The following SCO1 variants were observed in gnomAD, a reference collection of about 807,000 sequenced individuals.
SCO1 encodes cytochrome c oxidase assembly factor SCO1.
A neutral mutation model predicts 34.0 loss-of-function variants in SCO1; 23 were observed. That is an observed-to-expected ratio of 0.68 (90% CI 0.49 to 0.96). SCO1 has a LOEUF of 0.96. Ranked by LOEUF, SCO1 falls within the 40% of genes least tolerant of loss-of-function variation. The pLI, the probability that SCO1 is intolerant of heterozygous loss-of-function variation, is 0.00. For synonymous variants in SCO1, 161 were observed against 145.5 expected (o/e 1.11, Z -0.77); for missense variants, 404 against 381.6 (o/e 1.06, Z -0.49).
Position 10,675,411 on chromosome 17 carries a change from T to G in SCO1, c.*5708A>C, listed in dbSNP as rs1184755875. The G allele has an allele frequency of 6.6e-6, 1 of 152,294 alleles. No homozygotes were observed. Among genetic ancestry groups the G allele is most frequent in the East Asian group, 1.9e-4 (1 of 5,196 alleles). The allele number at this position is 152,294 out of a possible 1,614,324, so 9.4% of individuals were successfully genotyped here. A position where few individuals can be genotyped will look rare whatever the true frequency, so the allele number is the denominator to read the frequency against. ...CAATGCATTCTCCACATCACAGACTTGCTTTCTTTCAAGACTGCCTTTTGC... is the reference window on the plus strand; with the variant it reads ...CAATGCATTCTCCACATCACAGACTGGCTTTCTTTCAAGACTGCCTTTTGC... On this transcript the variant is annotated 3_prime_UTR_variant, in exon 6 of 6. Coordinates refer to ENST00000255390, the MANE Select transcript of SCO1 (RefSeq NM_004589.4).
intron 4 of SCO1, among the ~76,000 whole-genome samples, 169 bp from the exon 5 acceptor site, chr17:10,687,011 C>T (rs1597507416): frequency 6.6e-6 from 1 of 152,122 alleles, no homozygotes; most frequent in East Asian, 1.9e-4. Context: ...TCACAAAGAA[C>T]AAATGAAAAT....
In SCO1 at chr17:10,679,115, T is replaced by C. The variant is rs1272522299; in HGVS notation, c.*2004A>G. ...CACCCGCTACCATGCCCGGCTAATT[T>C]TTGTATTTTTAGGAGAGAGACGACG... On this transcript the variant is annotated 3_prime_UTR_variant, in exon 6 of 6. Coordinates refer to ENST00000255390, the MANE Select transcript of SCO1 (RefSeq NM_004589.4). 1 of 152,216 alleles carries C rather than the reference T, an allele frequency of 6.6e-6. No individual in the cohort carries two copies. Among genetic ancestry groups the C allele is most frequent in the Non-Finnish European group, 1.5e-5 (1 of 68,070 alleles). The allele number at this position is 152,216 out of a possible 1,614,324, so 9.4% of individuals were successfully genotyped here. A position where few individuals can be genotyped will look rare whatever the true frequency, so the allele number is the denominator to read the frequency against.
intron 4 of SCO1, among the ~76,000 whole-genome samples, chr17:10,690,386 T>C (rs1266289224): frequency 6.6e-6 from 1 of 152,076 alleles, no homozygotes; most frequent in Non-Finnish European, 1.5e-5. Context: ...ATGATCTAAA[T>C]AGACATTTCT....
chr17:10,692,682 C>G (rs150635526), intron 3 of SCO1, 82 bp downstream of exon 3: 27 of 1,152,906 alleles, frequency 2.3e-5, no homozygotes, highest in Non-Finnish European at 3.4e-5. Context: ...CAAAACCCCA[C>G]CTAACAATAA....
At position 10,675,805 on chromosome 17, in the gene SCO1, C is replaced by T. The variant is rs1157623255; in HGVS notation, c.*5314G>A. 6.6e-6 allele frequency: 1 copy of T among 152,140 alleles called. No homozygotes were observed. The highest frequency in any genetic ancestry group is 1.5e-5 in the Non-Finnish European group (1 of 68,026). 9.4% of individuals were successfully genotyped at this position (152,140 alleles called of 1,614,324 possible). ...TTAAACTGGTCCAACCTGAATAACG[C>T]CACCCTATGTTTAAGAATGGGAAGA... On this transcript the variant is annotated 3_prime_UTR_variant, in exon 6 of 6. Coordinates refer to ENST00000255390, the MANE Select transcript of SCO1 (RefSeq NM_004589.4).
In SCO1 at chr17:10,673,266, GT is replaced by G. The variant is rs1193676326; in HGVS notation, c.*7852del. 1.3e-5 allele frequency: 2 copies of G among 152,100 alleles called. No homozygotes were observed. The highest frequency in any genetic ancestry group is 1.5e-5 in the Non-Finnish European group (1 of 68,060). 9.4% of individuals were successfully genotyped at this position (152,100 alleles called of 1,614,324 possible). A position where few individuals can be genotyped will look rare whatever the true frequency, so the allele number is the denominator to read the frequency against. On this transcript the variant is annotated 3_prime_UTR_variant, in exon 6 of 6. Transcript: ENST00000255390. ...ATCTGCCTTTTCTTTATCTTGTCTG[GT>G]TATGTGCATCCCAGAGGCACTCTCC... is the stretch of plus-strand genomic sequence containing the variant.
intron 5 of SCO1, among the ~76,000 whole-genome samples, chr17:10,685,979 G>A (rs1040575629): frequency 2.0e-5 from 3 of 152,212 alleles, no homozygotes; most frequent in African/African-American, 7.2e-5. Flanking sequence ...TGTAATCCCA[G>A]CACTTTGGGA....
At chr17:10,691,206 G>A (rs949494484) in intron 4 of SCO1, among the ~76,000 whole-genome samples, 8 of 152,132 alleles carry the variant, frequency 5.3e-5, no homozygotes, top group African/African-American at 1.7e-4. Flanking sequence ...TGCTACCTCC[G>A]CCTGCCAGGT....
Position 10,674,469 on chromosome 17 carries a change from G to A in SCO1, c.*6650C>T. The A allele has an allele frequency of 3.8e-6, 1 of 263,954 alleles. No individual in the cohort carries two copies. Among genetic ancestry groups the A allele is most frequent in the South Asian group, 3.7e-5 (1 of 27,046 alleles). The allele number at this position is 263,954 out of a possible 1,614,324, so 16.4% of individuals were successfully genotyped here. ...AAACAAAAAAACAGACTGTGATTGAGGAGAGCTGGAGTGGAGCCTGAGAAG... is the reference window on the plus strand; with the variant it reads ...AAACAAAAAAACAGACTGTGATTGAAGAGAGCTGGAGTGGAGCCTGAGAAG... On this transcript the variant is annotated 3_prime_UTR_variant, in exon 6 of 6. Coordinates refer to ENST00000255390, the MANE Select transcript of SCO1 (RefSeq NM_004589.4).
At position 10,681,180 on chromosome 17, in the gene SCO1, C is replaced by T; in HGVS notation, c.845G>A (p.Arg282Lys). ...EFLDYFGQNK[R>K]KGEIAASIAT... ...AATTGAAGCAGCTATTTCTCCCTTC[C>T]TCTTGTTCTGGCCAAAATAATCTAG... Residue 282 changes from arginine (R) to lysine (K), a missense_variant, in exon 6 of 6, where the codon AGG becomes AAG. Transcript: ENST00000255390. 6.2e-7 allele frequency: 1 copy of T among 1,614,216 alleles called. No homozygotes were observed. The highest frequency in any genetic ancestry group is 8.5e-7 in the Non-Finnish European group (1 of 1,180,040).
chr17:10,680,774 C>T lies in SCO1; in HGVS notation c.*345G>A, dbSNP rs1413405709. 2 of 370,900 alleles carry T rather than the reference C, an allele frequency of 5.4e-6. No homozygotes were observed. The highest frequency in any genetic ancestry group is 1.0e-5 in the Non-Finnish European group (2 of 196,978). 23.0% of individuals were successfully genotyped at this position (370,900 alleles called of 1,614,324 possible). A position where few individuals can be genotyped will look rare whatever the true frequency, so the allele number is the denominator to read the frequency against. On this transcript the variant is annotated 3_prime_UTR_variant, in exon 6 of 6. Coordinates refer to ENST00000255390, the MANE Select transcript of SCO1 (RefSeq NM_004589.4). ...GCAAGGGCCCAAGACGATGGAGAGGCGGCAAAGCTGCTGGGAGGGCCTGTT... is the reference window on the plus strand; with the variant it reads ...GCAAGGGCCCAAGACGATGGAGAGGTGGCAAAGCTGCTGGGAGGGCCTGTT...
chr17:10,681,038 T>A lies in SCO1; in HGVS notation c.*81A>T. 1 of 1,508,540 alleles carries A rather than the reference T, an allele frequency of 6.6e-7. No individual in the cohort carries two copies. The highest frequency in any genetic ancestry group is 1.7e-4 in the Middle Eastern group (1 of 5,824). 93.4% of individuals were successfully genotyped at this position (1,508,540 alleles called of 1,614,324 possible). On this transcript the variant is annotated 3_prime_UTR_variant, in exon 6 of 6. Transcript: ENST00000255390. ...ATTCTGTAGAGTGCACGTATATATGTTTATATTTATATAGGCTCCTATGCG... is the reference window on the plus strand; with the variant it reads ...ATTCTGTAGAGTGCACGTATATATGATTATATTTATATAGGCTCCTATGCG...
chr17:10,692,904 G>A lies in SCO1; in HGVS notation c.422C>T (p.Ser141Phe), dbSNP rs2074698647. 1 of 1,613,986 alleles carries A rather than the reference G, an allele frequency of 6.2e-7. No individual in the cohort carries two copies. Among genetic ancestry groups the A allele is most frequent in the Non-Finnish European group, 8.5e-7 (1 of 1,180,030 alleles). ...ACGCTCCCCAGTATGAGTTGTGAGGGAAAACGGTCCCCCAAGTAAAGGCTT... is the reference window on the plus strand; with the variant it reads ...ACGCTCCCCAGTATGAGTTGTGAGGAAAAACGGTCCCCCAAGTAAAGGCTT... ...IGKPLLGGPF[S>F]LTTHTGERKT... Residue 141 changes from serine (S) to phenylalanine (F), a missense_variant, in exon 3 of 6, where the codon TCC becomes TTC. Coordinates refer to ENST00000255390, the MANE Select transcript of SCO1 (RefSeq NM_004589.4).
At chr17:10,690,829 ATACGTCATGGAATAC>A (rs57221872) in intron 4 of SCO1, among the ~76,000 whole-genome samples, 5,746 of 152,302 alleles carry the variant, frequency 0.038, 367 homozygotes, top group African/African-American at 0.13. Flanking sequence ...TGCAGTATAC[ATACGTCATGGAATAC>A]TACCCAGCCA....
At chr17:10,696,071 T>TTAAAA (rs1160285472) in intron 1 of SCO1, among the ~76,000 whole-genome samples, 2 of 72,996 alleles carry the variant, frequency 2.7e-5, no homozygotes, top group African/African-American at 1.1e-4. Flanking sequence ...TTCATGTAAA[T>TTAAAA]AAAAAAAAAA....
chr17:10,692,840 A>T lies in SCO1; in HGVS notation c.486T>A (p.Ile162=). ...CAGGGCAATGAGTGAAGCCAAAATAAATCAATAACCACTGACCCAAGTAGT... is the reference window on the plus strand; with the variant it reads ...CAGGGCAATGAGTGAAGCCAAAATATATCAATAACCACTGACCCAAGTAGT... ...DKDYLGQWLL[I]YFGFTHCPDV... The change falls in exon 3 of 6, where the codon ATT becomes ATA. Residue 162 remains isoleucine (I), a synonymous_variant. Transcript: ENST00000255390. 1 of 1,614,140 alleles carries T rather than the reference A, an allele frequency of 6.2e-7. No homozygotes were observed. The highest frequency in any genetic ancestry group is 8.5e-7 in the Non-Finnish European group (1 of 1,179,998).
rs2074554954 is a variant in SCO1, at chr17:10,672,809, TG to T, written c.*8309del. 6.6e-6 allele frequency: 1 copy of T among 152,234 alleles called. No homozygotes were observed. Among genetic ancestry groups the T allele is most frequent in the African/African-American group, 2.4e-5 (1 of 41,462 alleles). 9.4% of individuals were successfully genotyped at this position (152,234 alleles called of 1,614,324 possible). A position where few individuals can be genotyped will look rare whatever the true frequency, so the allele number is the denominator to read the frequency against. ...CCCTGGATCTGAGTCATTATTACATTGATTCTATTTATTATAGATTCTGTGT... is the reference window on the plus strand; with the variant it reads ...CCCTGGATCTGAGTCATTATTACATTATTCTATTTATTATAGATTCTGTGT... On this transcript the variant is annotated 3_prime_UTR_variant, in exon 6 of 6. Coordinates refer to ENST00000255390, the MANE Select transcript of SCO1 (RefSeq NM_004589.4).
intron 2 of SCO1, among the ~76,000 whole-genome samples, chr17:10,694,236 G>A (rs938874227): frequency 3.9e-5 from 6 of 152,208 alleles, no homozygotes; most frequent in African/African-American, 1.4e-4. Flanking sequence ...TAACTCTCCT[G>A]TAACTGTCAA....
At position 10,672,498 on chromosome 17, in the gene SCO1, G is replaced by A. The variant is rs754325290; in HGVS notation, c.*8621C>T. Reference sequence around the variant, plus strand: ...GTAATTTTTAAGTAAGGTTTATTGAGGTATGTATATTACAATTCACCCTTT... The same window carrying A: ...GTAATTTTTAAGTAAGGTTTATTGAAGTATGTATATTACAATTCACCCTTT... On this transcript the variant is annotated 3_prime_UTR_variant, in exon 6 of 6. Transcript: ENST00000255390. 8 of 152,076 alleles carry A rather than the reference G, an allele frequency of 5.3e-5. No individual in the cohort carries two copies. Among genetic ancestry groups the A allele is most frequent in the South Asian group, 4.2e-4 (2 of 4,810 alleles). 9.4% of individuals were successfully genotyped at this position (152,076 alleles called of 1,614,324 possible). A position where few individuals can be genotyped will look rare whatever the true frequency, so the allele number is the denominator to read the frequency against.
Sources: allele counts gnomAD v4.1 joint callset (sites outside exome capture counted in the v4.1 genomes callset), GRCh38; gene constraint gnomAD v4.1.1; transcripts MANE v1.5; gene names NCBI Gene and HGNC (gene_info 2026-07-23, HGNC 2026-07-21).